The following MYO1F variants were observed in gnomAD, a reference collection of about 807,000 sequenced individuals.
MYO1F encodes myosin IF.
A neutral mutation model predicts 146.6 loss-of-function variants in MYO1F; 60 were observed. The observed-to-expected ratio is 0.41, with a 90% confidence interval of 0.33 to 0.51. The LOEUF is 0.51. MYO1F is among the 20% of genes least tolerant of loss of function. The pLI is 0.25. For synonymous variants in MYO1F, 602 were observed against 602.1 expected (o/e 1.00, Z 0.00); for missense variants, 1,274 against 1,534.3 (o/e 0.83, Z 2.83).
chr19:8,532,290 G>T (rs945324076), intron 19 of MYO1F, among the ~76,000 whole-genome samples: 18 of 152,160 alleles, frequency 1.2e-4, no homozygotes, highest in Non-Finnish European at 2.4e-4. Context: ...AGAAAGCAGA[G>T]AAAAGGGTTT....
Position 8,544,000 on chromosome 19 carries a change from T to TGGCGGTGGCGGTGGC in MYO1F, c.1524+296_1524+297insGCCACCGCCACCGCC, listed in dbSNP as rs1973207563. On this transcript the variant is annotated intron_variant, in intron 14 of 27. Transcript: ENST00000644032. ...GTGCTGGTGCTGGTGGTGGTGCTGGTGGTGGCGGTGGCGGTGGCGGTGGCG... is the reference window on the plus strand; with the variant it reads ...GTGCTGGTGCTGGTGGTGGTGCTGGTGGCGGTGGCGGTGGCGGTGGCGGTGGCGGTGGCGGTGGCG... The TGGCGGTGGCGGTGGC allele has an allele frequency of 1.4e-4, 22 of 154,872 alleles. No individual in the cohort carries two copies. The African/African-American group carries it at 1.9e-3, about 13-fold the overall frequency. 9.6% of individuals were successfully genotyped at this position (154,872 alleles called of 1,614,324 possible).
intron 1 of MYO1F, among the ~76,000 whole-genome samples, chr19:8,575,308 T>A (rs1222750414): frequency 6.6e-6 from 1 of 150,748 alleles, no homozygotes; most frequent in African/African-American, 2.4e-5. Context: ...ATCTCTTGAC[T>A]TCGTGATCTG....
intron 4 of MYO1F, among the ~76,000 whole-genome samples, 157 bp from the exon 5 acceptor site, chr19:8,553,594 C>T (rs766864768): frequency 6.9e-4 from 105 of 152,000 alleles, no homozygotes; most frequent in Non-Finnish European, 4.7e-4. Flanking sequence ...TGCTCTCAGC[C>T]GGGCATGGTG....
At chr19:8,554,121 G>A (rs1028706202) in intron 4 of MYO1F, among the ~76,000 whole-genome samples, 8 of 151,750 alleles carry the variant, frequency 5.3e-5, no homozygotes, top group Admixed American at 2.6e-4. Context: ...CACCGTGTCC[G>A]GCTAATTATT....
intron 19 of MYO1F, among the ~76,000 whole-genome samples, chr19:8,535,719 G>A (rs546692161): frequency 1.3e-5 from 2 of 149,360 alleles, no homozygotes; most frequent in East Asian, 2.0e-4. Context: ...TCGCTCTGTC[G>A]CCCAGGCTGG....
Position 8,536,640 on chromosome 19 carries a change from A to G in MYO1F, c.1800-43T>C, listed in dbSNP as rs1281095497. 3 of 274,316 alleles carry G rather than the reference A, an allele frequency of 1.1e-5. No homozygotes were observed. In the African/African-American group the frequency reaches 1.4e-4, roughly 13 times the overall value. The allele number at this position is 274,316 out of a possible 1,614,324, so 17.0% of individuals were successfully genotyped here. ...CTGAGTCCCCTCGGGGTGGGGAGTCACCAGTCCTGGGGGTGGGTGGGAGGT... is the reference window on the plus strand; with the variant it reads ...CTGAGTCCCCTCGGGGTGGGGAGTCGCCAGTCCTGGGGGTGGGTGGGAGGT... On this transcript the variant is annotated intron_variant, in intron 17 of 27. Coordinates refer to ENST00000644032, the MANE Select transcript of MYO1F (RefSeq NM_012335.4).
In MYO1F at chr19:8,522,446, G is replaced by A; in HGVS notation, c.3151C>T (p.Gln1051Ter). 1 of 1,614,144 alleles carries A rather than the reference G, an allele frequency of 6.2e-7. No homozygotes were observed. The highest frequency in any genetic ancestry group is 2.2e-5 in the East Asian group (1 of 44,890). The change falls in exon 27 of 28, where the codon CAG becomes TAG. Residue 1051 changes from glutamine (Q) to a stop codon, truncating the protein, a stop_gained. Coordinates refer to ENST00000644032, the MANE Select transcript of MYO1F (RefSeq NM_012335.4). LOFTEE classifies it high-confidence loss of function. The stretch of plus-strand genomic sequence containing the variant: ...TCGTCCACATCTTGGCCCACGTACT[G>A]GTATAGGGCCCGGCACCTGGGACCA... ...THGPRCRALY[Q>*]YVGQDVDELS...
At chr19:8,565,982 G>T (rs959628608) in intron 1 of MYO1F, among the ~76,000 whole-genome samples, 1 of 151,722 alleles carries the variant, frequency 6.6e-6, no homozygotes, top group Non-Finnish European at 1.5e-5. Flanking sequence ...GGTGGTATGC[G>T]CCTGTAGTCC....
intron 1 of MYO1F, among the ~76,000 whole-genome samples, chr19:8,560,742 ATT>A (rs71175875): frequency 1.5e-5 from 2 of 133,912 alleles, no homozygotes. Flanking sequence ...CGCCTGGCTA[ATT>A]TTTTTTTTTT....
chr19:8,561,261 G>A (rs1974089037), intron 1 of MYO1F, among the ~76,000 whole-genome samples: 1 of 152,054 alleles, frequency 6.6e-6, no homozygotes, highest in Non-Finnish European at 1.5e-5. Context: ...GTGTGGAGGT[G>A]TGGCTGCAGC....
At chr19:8,531,522 G>A (rs1184335832) in intron 19 of MYO1F, among the ~76,000 whole-genome samples, 1 of 151,960 alleles carries the variant, frequency 6.6e-6, no homozygotes, top group African/African-American at 2.4e-5. Flanking sequence ...CTAATTTTGT[G>A]GTGATGTGGT....
intron 1 of MYO1F, among the ~76,000 whole-genome samples, chr19:8,573,869 A>T (rs2042154647): frequency 6.6e-6 from 1 of 152,066 alleles, no homozygotes; most frequent in Non-Finnish European, 1.5e-5. Flanking sequence ...ACAAAACAAA[A>T]AAACAATACT....
chr19:8,528,948 G>A (rs1231965971), intron 21 of MYO1F, among the ~76,000 whole-genome samples: 1 of 152,044 alleles, frequency 6.6e-6, no homozygotes. Flanking sequence ...GAGTTCTCTG[G>A]GTCTAGTGGG....
intron 6 of MYO1F, among the ~76,000 whole-genome samples, 185 bp from the exon 7 acceptor site, chr19:8,552,349 C>A (rs1448416383): frequency 2.0e-5 from 3 of 152,034 alleles, no homozygotes; most frequent in African/African-American, 7.2e-5. Flanking sequence ...ACGTCCACCT[C>A]CTGGGTTCAA....
chr19:8,576,219 G>A (rs542802037), intron 1 of MYO1F, among the ~76,000 whole-genome samples: 2 of 152,180 alleles, frequency 1.3e-5, no homozygotes, highest in Admixed American at 6.5e-5. Context: ...GGCTGGTCTC[G>A]AACACCTGAC....
At chr19:8,574,301 A>T (rs1404935640) in intron 1 of MYO1F, among the ~76,000 whole-genome samples, 1 of 152,096 alleles carries the variant, frequency 6.6e-6, no homozygotes, top group Non-Finnish European at 1.5e-5. Flanking sequence ...CTCCCCAATT[A>T]CCACAATCGT....
chr19:8,556,331 C>CTT (rs995749744), intron 1 of MYO1F, among the ~76,000 whole-genome samples: 1 of 142,978 alleles, frequency 7.0e-6, no homozygotes. Context: ...CACCCGGCCT[C>CTT]TTTTTTTTTT....
At chr19:8,560,791 C>T (rs561918981) in intron 1 of MYO1F, among the ~76,000 whole-genome samples, 127 of 142,512 alleles carry the variant, frequency 8.9e-4, no homozygotes, top group Admixed American at 1.6e-3. Context: ...CAGGCTGGAG[C>T]GCAGTGGCAC....
chr19:8,536,989 G>T lies in MYO1F; in HGVS notation c.1759C>A (p.Pro587Thr). 2 of 1,613,484 alleles carry T rather than the reference G, an allele frequency of 1.2e-6. No homozygotes were observed. Among genetic ancestry groups the T allele is most frequent in the Admixed American group, 1.7e-5 (1 of 59,918 alleles). ...TCTCGGGGCCTCTTGGTCTCGTTGG[G>T]TTTGATGCAGCGGATGTAGTGGGGT... ...CTPHYIRCIK[P>T]NETKRPRDWE... Residue 587 changes from proline (P) to threonine (T), a missense_variant, in exon 17 of 28, where the codon CCC (proline) becomes ACC (threonine). By Grantham distance (38) the Pro-to-Thr change is conservative. Around this residue, in one of 2 missense-constraint regions of MYO1F, gnomAD observed 900 missense variants for 1,155.1 expected, o/e 0.78. Transcript: ENST00000644032.
Sources: allele counts gnomAD v4.1 joint callset (sites outside exome capture counted in the v4.1 genomes callset), GRCh38; gene constraint gnomAD v4.1.1; regional missense constraint gnomAD v4.1.1; transcripts MANE v1.5; gene names NCBI Gene and HGNC (gene_info 2026-07-23, HGNC 2026-07-21).